The following ASB5 variants were observed in gnomAD, a reference collection of about 807,000 sequenced individuals.
ASB5 encodes the protein ankyrin repeat and SOCS box protein 5.
ASB5 carries 45 observed loss-of-function variants against 42.1 expected under a neutral mutation model. That is an observed-to-expected ratio of 1.07 (90% CI 0.84 to 1.37). The LOEUF is 1.37. Ranked by LOEUF, ASB5 falls within the 40% of genes most tolerant of loss-of-function variation. The pLI, the probability that ASB5 is intolerant of heterozygous loss-of-function variation, is 0.00. For synonymous variants in ASB5, 147 were observed against 150.6 expected (o/e 0.98, Z 0.18); for missense variants, 402 against 399.8 (o/e 1.01, Z -0.05).
chr4:176,256,245 T>C (rs932594858), intron 1 of ASB5, among the ~76,000 whole-genome samples: 3 of 152,248 alleles, frequency 2.0e-5, no homozygotes, highest in Non-Finnish European at 4.4e-5. Context: ...TCTCAGATCT[T>C]GCAACTAAGA....
At chr4:176,254,776 G>A (rs553134653) in intron 1 of ASB5, among the ~76,000 whole-genome samples, 9 of 152,264 alleles carry the variant, frequency 5.9e-5, no homozygotes, top group African/African-American at 2.2e-4. Context: ...AGACATACAA[G>A]TGACCAACAA....
At chr4:176,273,552 A>G (rs1323422781), upstream of ASB5, among the ~76,000 whole-genome samples, 1 of 152,244 alleles carries the variant, frequency 6.6e-6, no homozygotes, top group African/African-American at 2.4e-5. Context: ...AATTTCTGCT[A>G]GCATTGTGAT....
At chr4:176,267,894 A>G (rs940321684) in intron 1 of ASB5, among the ~76,000 whole-genome samples, 2 of 152,184 alleles carry the variant, frequency 1.3e-5, no homozygotes, top group African/African-American at 2.4e-5. Flanking sequence ...CTAGATTTTA[A>G]AATGAGTCGC....
chr4:176,259,147 T>C (rs1196443620), intron 1 of ASB5, among the ~76,000 whole-genome samples: 2 of 152,200 alleles, frequency 1.3e-5, no homozygotes, highest in Non-Finnish European at 2.9e-5. Flanking sequence ...CCTTTTCTTT[T>C]AGTTCTTGGA....
chr4:176,223,260 C>T, intron 2 of ASB5, among the ~76,000 whole-genome samples: 1 of 152,146 alleles, frequency 6.6e-6, no homozygotes, highest in East Asian at 1.9e-4. Flanking sequence ...GTGGCTCCAT[C>T]ACGAATAGTT....
intron 1 of ASB5, among the ~76,000 whole-genome samples, chr4:176,233,351 C>T (rs115511426): frequency 4.6e-5 from 7 of 152,278 alleles, no homozygotes; most frequent in African/African-American, 1.7e-4. Flanking sequence ...ATCTACATAG[C>T]TCCCACGCTG....
At chr4:176,268,660 T>C (rs1408960165) in intron 1 of ASB5, among the ~76,000 whole-genome samples, 1 of 152,096 alleles carries the variant, frequency 6.6e-6, no homozygotes, top group African/African-American at 2.4e-5. Flanking sequence ...CTATTACATA[T>C]ATATATTCCT....
chr4:176,236,391 G>T (rs1019693283), intron 1 of ASB5, among the ~76,000 whole-genome samples: 4 of 152,110 alleles, frequency 2.6e-5, no homozygotes, highest in African/African-American at 9.7e-5. Flanking sequence ...GTCAACACTG[G>T]ATAGGCATTT....
intron 1 of ASB5, among the ~76,000 whole-genome samples, chr4:176,263,349 T>C (rs1414117498): frequency 1.5e-5 from 2 of 129,316 alleles, no homozygotes; most frequent in Non-Finnish European, 3.4e-5. Context: ...AGGAAAAGCA[T>C]TAATACATTA....
intron 1 of ASB5, among the ~76,000 whole-genome samples, chr4:176,247,436 C>A (rs1753933613): frequency 6.6e-6 from 1 of 152,124 alleles, no homozygotes; most frequent in South Asian, 2.1e-4. Context: ...TCTATGAAGA[C>A]CTATTCTAAA....
At chr4:176,244,819 G>C (rs1459186387) in intron 1 of ASB5, among the ~76,000 whole-genome samples, 1 of 152,096 alleles carries the variant, frequency 6.6e-6, no homozygotes, top group Non-Finnish European at 1.5e-5. Context: ...TCAGGATGTC[G>C]GGGCTTATCC....
chr4:176,263,111 A>C (rs1285165606), intron 1 of ASB5, among the ~76,000 whole-genome samples: 1 of 151,978 alleles, frequency 6.6e-6, no homozygotes, highest in African/African-American at 2.4e-5. Flanking sequence ...TCACTCTATT[A>C]GTTTCGGAGA....
chr4:176,252,355 A>G (rs376371703), intron 1 of ASB5, among the ~76,000 whole-genome samples: 1 of 152,240 alleles, frequency 6.6e-6, no homozygotes. Flanking sequence ...ACATTCAGCT[A>G]GGGACAGTTA....
rs1273491749 is a variant in ASB5 at position 176,258,152 on chromosome 4, A to G, written c.196+10761T>C. On this transcript the variant is annotated intron_variant, in intron 1 of 6. Transcript: ENST00000296525. ...TATGATATAGAAAGTTAACATCTAT[A>G]GAGTGTTGACTTTACGCCAGACACT... 2.0e-5 allele frequency among the ~76,000 whole-genome samples: 3 copies of G among 152,258 alleles called. No homozygotes were observed. The East Asian group carries it at 5.8e-4, about 29-fold the overall frequency.
At chr4:176,221,631 A>T in intron 3 of ASB5, 31 bp from the exon 4 acceptor site, 2 of 1,554,516 alleles carry the variant, frequency 1.3e-6, no homozygotes, top group Non-Finnish European at 1.8e-6. Flanking sequence ...CAAACATAAG[A>T]TTCATAAGTC....
intron 1 of ASB5, among the ~76,000 whole-genome samples, chr4:176,245,060 A>G (rs1560815009): frequency 6.6e-6 from 1 of 152,212 alleles, no homozygotes; most frequent in Non-Finnish European, 1.5e-5. Flanking sequence ...AGGAGTTCCC[A>G]GATAAACTTA....
At chr4:176,230,688 G>A (rs917051305) in intron 1 of ASB5, among the ~76,000 whole-genome samples, 5 of 151,934 alleles carry the variant, frequency 3.3e-5, no homozygotes, top group Admixed American at 6.6e-5. Context: ...TAGCAACTAC[G>A]TATTTCTATT....
At chr4:176,268,395 T>C (rs1223728269) in intron 1 of ASB5, among the ~76,000 whole-genome samples, 1 of 152,204 alleles carries the variant, frequency 6.6e-6, no homozygotes, top group Non-Finnish European at 1.5e-5. Flanking sequence ...ATCTTCTTTG[T>C]GTGTGTGCTT....
chr4:176,266,085 T>C (rs1177866241), intron 1 of ASB5, among the ~76,000 whole-genome samples: 1 of 152,286 alleles, frequency 6.6e-6, no homozygotes, highest in Non-Finnish European at 1.5e-5. Context: ...TCAAGTCTGA[T>C]AGGAAAGAGC....
Sources: allele counts gnomAD v4.1 joint callset (sites outside exome capture counted in the v4.1 genomes callset), GRCh38; gene constraint gnomAD v4.1.1; transcripts MANE v1.5; gene names NCBI Gene and HGNC (gene_info 2026-07-23, HGNC 2026-07-21).